RBM47: variants seen among roughly 807,000 people sequenced by gnomAD.
RBM47 encodes RNA-binding protein 47.
RBM47 carries 21 observed loss-of-function variants against 47.1 expected under a neutral mutation model. That is an observed-to-expected ratio of 0.45 (90% confidence interval 0.32 to 0.64). RBM47 has a LOEUF of 0.64. RBM47 is among the 30% of genes least tolerant of loss of function. RBM47 has a pLI of 0.05. For missense variants in RBM47, 708 were observed against 870.9 expected (o/e 0.81, Z 2.35); for synonymous variants, 375 against 361.7 (o/e 1.04, Z -0.42).
chr4:40,556,687 C>T (rs1447839381), intron 1 of RBM47, among the ~76,000 whole-genome samples: 8 of 151,788 alleles, frequency 5.3e-5, no homozygotes. Flanking sequence ...CTCAGGAGTT[C>T]CAGACCAGCC....
At chr4:40,541,929 A>G (rs1728585050) in intron 2 of RBM47, among the ~76,000 whole-genome samples, 1 of 152,186 alleles carries the variant, frequency 6.6e-6, no homozygotes, top group Admixed American at 6.5e-5. Flanking sequence ...TACATTGACT[A>G]TGTCGATGAT....
intron 1 of RBM47, among the ~76,000 whole-genome samples, chr4:40,554,228 T>C (rs546801486): frequency 6.6e-6 from 1 of 152,192 alleles, no homozygotes; most frequent in African/African-American, 2.4e-5. Context: ...CCGAGAACCA[T>C]TTCCAGTCAC....
chr4:40,453,705 G>A (rs962141042), intron 3 of RBM47, among the ~76,000 whole-genome samples: 2 of 152,156 alleles, frequency 1.3e-5, no homozygotes, highest in Non-Finnish European at 2.9e-5. Flanking sequence ...AGAAGTGGCT[G>A]GAGAGTGTAT....
At chr4:40,445,868 A>C (rs1714459801) in intron 3 of RBM47, among the ~76,000 whole-genome samples, 1 of 152,222 alleles carries the variant, frequency 6.6e-6, no homozygotes, top group Non-Finnish European at 1.5e-5. Flanking sequence ...TAATAAGTAT[A>C]CTTCAGAAGT....
chr4:40,500,313 C>T (rs1288849312), intron 2 of RBM47, among the ~76,000 whole-genome samples: 1 of 150,180 alleles, frequency 6.7e-6, no homozygotes, highest in African/African-American at 2.5e-5. Flanking sequence ...GACTTCGTCC[C>T]CCCCCAAAAA....
chr4:40,449,578 T>A (rs550089810), intron 3 of RBM47, among the ~76,000 whole-genome samples: 1 of 152,338 alleles, frequency 6.6e-6, no homozygotes, highest in African/African-American at 2.4e-5. Context: ...GCCTGCTGTG[T>A]ACTACAAGAC....
At chr4:40,455,027 A>T (rs1716026555) in intron 3 of RBM47, among the ~76,000 whole-genome samples, 1 of 152,202 alleles carries the variant, frequency 6.6e-6, no homozygotes, top group Non-Finnish European at 1.5e-5. Flanking sequence ...AATTTCCAGT[A>T]CAGACACATG....
At chr4:40,610,255 G>T (rs1736139690) in intron 1 of RBM47, among the ~76,000 whole-genome samples, 1 of 152,034 alleles carries the variant, frequency 6.6e-6, no homozygotes, top group Admixed American at 6.6e-5. Flanking sequence ...CTGTGTATGG[G>T]GATCATAATT....
intron 1 of RBM47, among the ~76,000 whole-genome samples, chr4:40,569,924 C>A (rs888663689): frequency 4.0e-4 from 59 of 148,414 alleles, no homozygotes; most frequent in African/African-American, 1.4e-3. Flanking sequence ...GTTGGCCAGG[C>A]TGGTCTCGAA....
chr4:40,469,312 T>A (rs1415025560), intron 2 of RBM47, among the ~76,000 whole-genome samples: 1 of 152,156 alleles, frequency 6.6e-6, no homozygotes, highest in Non-Finnish European at 1.5e-5. Context: ...ATCACAGATG[T>A]GCCTTTCACG....
chr4:40,492,378 A>T (rs532251362), intron 2 of RBM47, among the ~76,000 whole-genome samples: 2 of 152,184 alleles, frequency 1.3e-5, no homozygotes, highest in African/African-American at 4.8e-5. Flanking sequence ...AAAAGTAAAG[A>T]AAAGAAAAAA....
chr4:40,623,235 T>C (rs769773744), intron 1 of RBM47, among the ~76,000 whole-genome samples: 6 of 152,168 alleles, frequency 3.9e-5, no homozygotes, highest in Non-Finnish European at 8.8e-5. Flanking sequence ...GAGCCCACAA[T>C]GTGGAGCAAA....
At chr4:40,485,106 C>A (rs565544290) in intron 2 of RBM47, among the ~76,000 whole-genome samples, 2 of 152,230 alleles carry the variant, frequency 1.3e-5, no homozygotes, top group African/African-American at 4.8e-5. Context: ...TGGTTCCTTA[C>A]AAAGTATACC....
intron 5 of RBM47, among the ~76,000 whole-genome samples, 162 bp from the exon 6 acceptor site, chr4:40,433,024 G>A (rs940616164): frequency 8.6e-5 from 13 of 151,922 alleles, no homozygotes; most frequent in Admixed American, 2.0e-4. Flanking sequence ...GCAGTGGTGC[G>A]ATCAAGGCTC....
intron 1 of RBM47, among the ~76,000 whole-genome samples, chr4:40,603,528 G>A (rs1488919334): frequency 6.6e-6 from 1 of 151,794 alleles, no homozygotes; most frequent in Non-Finnish European, 1.5e-5. Flanking sequence ...CTCCTCTTTG[G>A]CACTAGGCTT....
At chr4:40,456,961 C>A (rs576989166) in intron 3 of RBM47, among the ~76,000 whole-genome samples, 4 of 152,156 alleles carry the variant, frequency 2.6e-5, no homozygotes, top group African/African-American at 9.6e-5. Flanking sequence ...TTCAAAATCA[C>A]AATTAGATAA....
At chr4:40,427,648 T>G (rs1158119845) in intron 6 of RBM47, 2 of 152,200 alleles carry the variant, frequency 1.3e-5, no homozygotes, top group Non-Finnish European at 2.9e-5. Flanking sequence ...TCCCTATATG[T>G]TAATACATCT....
At chr4:40,626,866 A>T (rs916380197) in intron 1 of RBM47, among the ~76,000 whole-genome samples, 6 of 152,232 alleles carry the variant, frequency 3.9e-5, no homozygotes, top group Admixed American at 6.5e-5. Context: ...TCTCTCCCGC[A>T]TAAGATGGAA....
chr4:40,620,673 A>G (rs534410169), intron 1 of RBM47, among the ~76,000 whole-genome samples: 41 of 152,274 alleles, frequency 2.7e-4, no homozygotes, highest in South Asian at 2.5e-3. Flanking sequence ...TTTAACATTT[A>G]TATGCTATTC....
Sources: allele counts gnomAD v4.1 joint callset (sites outside exome capture counted in the v4.1 genomes callset), GRCh38; gene constraint gnomAD v4.1.1; transcripts MANE v1.5; gene names NCBI Gene and HGNC (gene_info 2026-07-23, HGNC 2026-07-21).